The following ZBTB20 variants were observed in gnomAD, a reference collection of about 807,000 sequenced individuals.
ZBTB20 encodes the protein zinc finger and BTB domain-containing protein 20.
A neutral mutation model predicts 56.9 loss-of-function variants in ZBTB20; 9 were observed. That is an observed-to-expected ratio of 0.16 (90% CI 0.10 to 0.28). ZBTB20 has a LOEUF of 0.28. Ranked by LOEUF, ZBTB20 falls within the 10% of genes least tolerant of loss-of-function variation. ZBTB20 has a pLI of 1.00. For missense variants in ZBTB20, 655 were observed against 1,003.0 expected (o/e 0.65, Z 4.69); for synonymous variants, 417 against 420.7 (o/e 0.99, Z 0.11).
At chr3:115,028,412 C>A (rs1380933944) in intron 2 of ZBTB20, among the ~76,000 whole-genome samples, 9 of 150,616 alleles carry the variant, frequency 6.0e-5, no homozygotes. Flanking sequence ...ATCTCATTAA[C>A]ATTTTCATAT....
chr3:114,379,582 C>T (rs1317129338), intron 10 of ZBTB20, among the ~76,000 whole-genome samples: 1 of 152,150 alleles, frequency 6.6e-6, no homozygotes, highest in Non-Finnish European at 1.5e-5. Flanking sequence ...CATTAAGCTG[C>T]CCATTTCCAA....
At chr3:114,819,083 A>T (rs1238027238) in intron 4 of ZBTB20, among the ~76,000 whole-genome samples, 2 of 151,978 alleles carry the variant, frequency 1.3e-5, no homozygotes, top group African/African-American at 4.8e-5. Context: ...TGGATTATAA[A>T]TAGGAAGTGG....
chr3:115,135,963 T>C (rs2084642137), intron 1 of ZBTB20, among the ~76,000 whole-genome samples: 1 of 152,130 alleles, frequency 6.6e-6, no homozygotes, highest in Admixed American at 6.6e-5. Flanking sequence ...TTACAAAGCA[T>C]AGTGTGCTTT....
At chr3:114,704,078 A>G (rs1270612925) in intron 5 of ZBTB20, among the ~76,000 whole-genome samples, 2 of 152,176 alleles carry the variant, frequency 1.3e-5, no homozygotes, top group Non-Finnish European at 2.9e-5. Flanking sequence ...CAAATAATTA[A>G]CAGTAATAAA....
At chr3:115,101,980 A>G (rs1349780040) in intron 1 of ZBTB20, among the ~76,000 whole-genome samples, 1 of 152,236 alleles carries the variant, frequency 6.6e-6, no homozygotes, top group Non-Finnish European at 1.5e-5. Flanking sequence ...AAAAATCTTT[A>G]AGAATGTCAA....
Position 114,765,943 on chromosome 3 carries a change from C to T in ZBTB20, c.-343+35158G>A, listed in dbSNP as rs557184609. Among the ~76,000 whole-genome samples, 7 of 152,210 alleles carry T rather than the reference C, an allele frequency of 4.6e-5. No individual in the cohort carries two copies. In the South Asian group the frequency reaches 1.2e-3, roughly 27 times the overall value. On this transcript the variant is annotated intron_variant, in intron 5 of 11. Coordinates refer to ENST00000675478, the MANE Select transcript of ZBTB20 (RefSeq NM_001348800.3). The stretch of plus-strand genomic sequence containing the variant: ...ACACGTCAAAGAAAGAGTCCCCAAC[C>T]TCCAAGAAGCATTTTGACTAAGAAG...
In ZBTB20 at chr3:115,072,922, C is replaced by T. The variant is rs2082461108; in HGVS notation, c.-702-1508G>A. Among the ~76,000 whole-genome samples the T allele has an allele frequency of 1.3e-5, 2 of 152,162 alleles. 1 individual carries two copies. The highest frequency in any genetic ancestry group is 1.3e-4 in the Admixed American group (2 of 15,260). ...ATTTAATCTCATTTAGCCTTAGATT[C>T]CTCATTGGTCAAATGAAAATAATAT... On this transcript the variant is annotated intron_variant, in intron 1 of 11. Transcript: ENST00000675478.
chr3:115,142,799 C>G (rs1287820144), intron 1 of ZBTB20, among the ~76,000 whole-genome samples: 1 of 152,106 alleles, frequency 6.6e-6, no homozygotes, highest in Non-Finnish European at 1.5e-5. Context: ...ACAAACTGCT[C>G]TAAAGTGCAT....
chr3:114,384,289 C>G (rs145739050), intron 8 of ZBTB20, among the ~76,000 whole-genome samples: 404 of 151,598 alleles, frequency 2.7e-3, no homozygotes, highest in African/African-American at 9.3e-3. Context: ...AAGAAAGAAA[C>G]CAGGGAAAAA....
chr3:114,570,327 G>A (rs1016486519), intron 6 of ZBTB20, among the ~76,000 whole-genome samples: 1 of 151,174 alleles, frequency 6.6e-6, no homozygotes, highest in African/African-American at 2.4e-5. Flanking sequence ...GCCACTTATT[G>A]AGTAAATATT....
intron 8 of ZBTB20, among the ~76,000 whole-genome samples, chr3:114,384,401 A>C (rs1258520838): frequency 2.6e-5 from 4 of 152,002 alleles, no homozygotes; most frequent in African/African-American, 9.7e-5. Context: ...GAACACTTCC[A>C]CAGAGAAACA....
chr3:114,616,594 A>G (rs895625945), intron 6 of ZBTB20, among the ~76,000 whole-genome samples: 3 of 152,100 alleles, frequency 2.0e-5, no homozygotes, highest in African/African-American at 4.8e-5. Flanking sequence ...ACTGTATATA[A>G]AGGACCTTCT....
rs117153015 is a variant in ZBTB20 at position 114,566,334 on chromosome 3, G to A, written c.-294-65943C>T. On this transcript the variant is annotated intron_variant, in intron 6 of 11. Coordinates refer to ENST00000675478, the MANE Select transcript of ZBTB20 (RefSeq NM_001348800.3). ...TGCGGTAACCCCTGGGTCACACAGC[G>A]AGGATAACATCACAGACCAAGGCAA... Among the ~76,000 whole-genome samples, 31 of 152,266 alleles carry A rather than the reference G, an allele frequency of 2.0e-4. No homozygotes were observed. In the South Asian group the frequency reaches 3.9e-3, roughly 19 times the overall value.
chr3:114,988,661 T>C (rs1030573998), intron 2 of ZBTB20, among the ~76,000 whole-genome samples: 1 of 152,182 alleles, frequency 6.6e-6, no homozygotes, highest in Non-Finnish European at 1.5e-5. Flanking sequence ...TTCTAGATCC[T>C]TGAGGAATTG....
At chr3:114,403,339 G>A (rs138058008) in intron 7 of ZBTB20, among the ~76,000 whole-genome samples, 2 of 152,044 alleles carry the variant, frequency 1.3e-5, no homozygotes, top group Non-Finnish European at 2.9e-5. Context: ...TTTGAACCTA[G>A]TAAGAAATCA....
chr3:114,607,434 C>T (rs945816586), intron 6 of ZBTB20, among the ~76,000 whole-genome samples: 15 of 151,726 alleles, frequency 9.9e-5, no homozygotes, highest in Admixed American at 7.2e-4. Flanking sequence ...TCCCAAATAG[C>T]TGGGATTACA....
At chr3:114,358,928 T>C (rs985847202) in intron 10 of ZBTB20, among the ~76,000 whole-genome samples, 2 of 152,198 alleles carry the variant, frequency 1.3e-5, no homozygotes, top group Non-Finnish European at 1.5e-5. Context: ...TAACTGATCA[T>C]GTTTCCCTCT....
intron 4 of ZBTB20, among the ~76,000 whole-genome samples, chr3:114,885,417 T>A (rs2076564321): frequency 8.1e-6 from 1 of 123,444 alleles, no homozygotes; most frequent in African/African-American, 2.6e-5. Context: ...TTGTTGTAGT[T>A]GTATGTTAAT....
chr3:114,483,641 C>T lies in ZBTB20; in HGVS notation c.-255+16711G>A, dbSNP rs559916729. 5.3e-5 allele frequency among the ~76,000 whole-genome samples: 8 copies of T among 152,120 alleles called. No homozygotes were observed. The East Asian group carries it at 5.8e-4, about 11-fold the overall frequency. Reference sequence around the variant, plus strand: ...AATTTAGAAAATGCAGAAGACTGAACGATATGTAAGTGACTGAGAACATGA... The same window carrying T: ...AATTTAGAAAATGCAGAAGACTGAATGATATGTAAGTGACTGAGAACATGA... On this transcript the variant is annotated intron_variant, in intron 7 of 11. Coordinates refer to ENST00000675478, the MANE Select transcript of ZBTB20 (RefSeq NM_001348800.3).
Sources: gnomAD v4.1 joint callset for allele counts (sites outside exome capture counted in the v4.1 genomes callset) on GRCh38, gnomAD v4.1.1 for gene constraint, MANE v1.5 for transcripts, NCBI Gene and HGNC (gene_info 2026-07-23, HGNC 2026-07-21) for gene names.